Variants in CCM2 observed in about 807,000 individuals in gnomAD.
CCM2 encodes the protein cerebral cavernous malformations 2 protein.
Under a neutral mutation model 44.9 loss-of-function variants are expected in CCM2, and 25 were observed. The observed-to-expected ratio is 0.56, with a 90% CI of 0.41 to 0.78. The LOEUF (loss-of-function observed/expected upper bound fraction) is 0.78. CCM2 is among the 30% of genes least tolerant of loss of function. CCM2 has a pLI of 0.00. For synonymous variants in CCM2, 219 were observed against 241.1 expected, an observed-to-expected ratio of 0.91 and a Z score of 0.85; for missense variants, 481 against 580.6, an observed-to-expected ratio of 0.83 and a Z score of 1.76.
intron 1 of CCM2, among the ~76,000 whole-genome samples, chr7:45,006,848 C>CT (rs1795866718): frequency 6.6e-6 from 1 of 152,204 alleles, no homozygotes; most frequent in Non-Finnish European, 1.5e-5. Context: ...TGATCTTGGA[C>CT]TTTCAGCATC....
Position 45,076,411 on chromosome 7 carries a change from C to CA in CCM2, c.*355dup. On this transcript the variant is annotated 3_prime_UTR_variant, in exon 10 of 10. Transcript: ENST00000258781. The stretch of plus-strand genomic sequence containing the variant: ...CACATGATGTTCCTATTGTAACTCT[C>CA]AGAGACCTTAAAAAGAAGTTTACTG... The CA allele has an allele frequency of 2.3e-6, 1 of 428,818 alleles. No individual in the cohort carries two copies. The highest frequency in any genetic ancestry group is 5.4e-5 in the East Asian group (1 of 18,658). 26.6% of individuals were successfully genotyped at this position (428,818 alleles called of 1,614,324 possible).
At chr7:45,043,749 G>A (rs764784233) in intron 2 of CCM2, 11 of 385,468 alleles carry the variant, frequency 2.9e-5, no homozygotes, top group Non-Finnish European at 5.0e-5. Context: ...TATTTTTCAT[G>A]CCCTTTCATT....
At chr7:45,016,020 C>T (rs1796249762) in intron 1 of CCM2, among the ~76,000 whole-genome samples, 1 of 152,210 alleles carries the variant, frequency 6.6e-6, no homozygotes, top group Admixed American at 6.5e-5. Flanking sequence ...GGAAAATTTC[C>T]ATCTGGAATA....
At position 45,000,265 on chromosome 7, in the gene CCM2, A is replaced by G. The variant is rs1274174790; in HGVS notation, c.-69A>G. The G allele has an allele frequency of 2.0e-6, 2 of 1,008,674 alleles. No homozygotes were observed. Among genetic ancestry groups the G allele is most frequent in the Admixed American group, 5.7e-5 (1 of 17,634 alleles). The allele number at this position is 1,008,674 out of a possible 1,614,324, so 62.5% of individuals were successfully genotyped here. A position where few individuals can be genotyped will look rare whatever the true frequency, so the allele number is the denominator to read the frequency against. On this transcript the variant is annotated 5_prime_UTR_variant, in exon 1 of 10. The change abolishes an upstream ATG in the 5' untranslated region. Coordinates refer to ENST00000258781, the MANE Select transcript of CCM2 (RefSeq NM_031443.4). ...CGGGGGCGGCGGGCCCGGGTCGAGC[A>G]TGTAGCGGCTGCTGGCGGCGGGGCT... is the stretch of plus-strand genomic sequence containing the variant.
rs755352606 is a variant in CCM2 at position 45,075,921 on chromosome 7, C to A, written c.1199C>A (p.Thr400Asn). ...CTGAGCACCACATCCAGTTCCACCA[C>A]CAATGGGAACAGGGCCACGGGCAGC... Reference protein sequence around the residue: ...RALSTTSSSTTNGNRATGSSD... With the variant: ...RALSTTSSSTNNGNRATGSSD... Residue 400 changes from threonine to asparagine, a missense_variant, in exon 10 of 10, where the codon ACC becomes AAC. Coordinates refer to ENST00000258781, the MANE Select transcript of CCM2 (RefSeq NM_031443.4). The A allele has an allele frequency of 1.9e-6, 3 of 1,613,150 alleles. No homozygotes were observed. The African/African-American group carries it at 4.0e-5, about 22-fold the overall frequency.
intron 1 of CCM2, among the ~76,000 whole-genome samples, chr7:45,032,307 G>A (rs137885115): frequency 7.0e-4 from 106 of 152,210 alleles, no homozygotes; most frequent in African/African-American, 2.2e-3. Flanking sequence ...TAAAATGTTC[G>A]TGATTTGGAG....
chr7:45,074,510 G>A (rs1476191643), intron 9 of CCM2, 102 bp downstream of exon 9: 1 of 905,512 alleles, frequency 1.1e-6, no homozygotes, highest in African/African-American at 1.6e-5. Flanking sequence ...GTGCAGCAGG[G>A]GCTCCATCAG....
chr7:45,061,267 C>T (rs1798505269), intron 2 of CCM2, among the ~76,000 whole-genome samples: 1 of 151,988 alleles, frequency 6.6e-6, no homozygotes, highest in Non-Finnish European at 1.5e-5. Context: ...TGGGCCGTGG[C>T]CTTCACATGT....
intron 1 of CCM2, among the ~76,000 whole-genome samples, chr7:45,007,243 A>T (rs1583834094): frequency 1.3e-5 from 2 of 151,918 alleles, no homozygotes; most frequent in East Asian, 3.9e-4. Context: ...ACAGTCAGGG[A>T]TGTCATTCAT....
chr7:45,068,619 C>T, intron 5 of CCM2, 40 bp downstream of exon 5: 7 of 1,612,128 alleles, frequency 4.3e-6, no homozygotes, highest in Non-Finnish European at 5.9e-6. Context: ...ACTGGCTCCT[C>T]CCAGACCCTG....
At chr7:45,013,032 T>C (rs1796126594) in intron 1 of CCM2, among the ~76,000 whole-genome samples, 1 of 152,198 alleles carries the variant, frequency 6.6e-6, no homozygotes, top group African/African-American at 2.4e-5. Flanking sequence ...ATCATTTTGA[T>C]ATTTGTTTTC....
intron 1 of CCM2, among the ~76,000 whole-genome samples, chr7:45,030,434 AATT>A: frequency 6.6e-6 from 1 of 152,138 alleles, no homozygotes; most frequent in East Asian, 1.9e-4. Flanking sequence ...TAAACCATTT[AATT>A]ATTTCCCTCG....
chr7:45,002,902 CT>C (rs1225721483), intron 1 of CCM2, among the ~76,000 whole-genome samples: 1 of 152,142 alleles, frequency 6.6e-6, no homozygotes, highest in Non-Finnish European at 1.5e-5. Context: ...CAGAAAAGTC[CT>C]CTGGCCACTA....
At chr7:45,068,010 C>T (rs73694270) in intron 4 of CCM2, 31,558 of 258,308 alleles carry the variant, frequency 0.12, 3,796 homozygotes, top group African/African-American at 0.36. Flanking sequence ...GAAACAAGGG[C>T]ACTGGGGTCT....
chr7:45,038,543 T>C, intron 2 of CCM2, 117 bp downstream of exon 2: 2 of 1,023,848 alleles, frequency 2.0e-6, no homozygotes, highest in Non-Finnish European at 3.0e-6. Context: ...TAGTAGTTGA[T>C]TATCCCACCC....
At chr7:45,057,523 T>TG (rs1399506782) in intron 2 of CCM2, among the ~76,000 whole-genome samples, 2 of 152,162 alleles carry the variant, frequency 1.3e-5, no homozygotes, top group East Asian at 1.9e-4. Flanking sequence ...TTTCCATGAC[T>TG]GTGGTGGTGT....
intron 1 of CCM2, among the ~76,000 whole-genome samples, chr7:45,000,939 G>T (rs1159394058): frequency 6.6e-6 from 1 of 152,290 alleles, no homozygotes; most frequent in East Asian, 1.9e-4. Context: ...TACAGTAAAG[G>T]GTTATAGTAG....
chr7:45,051,320 T>C (rs184178433), intron 2 of CCM2, among the ~76,000 whole-genome samples: 6 of 152,326 alleles, frequency 3.9e-5, no homozygotes, highest in Admixed American at 2.6e-4. Flanking sequence ...GGGGGCATCC[T>C]TTCAGGGTGT....
intron 7 of CCM2, chr7:45,073,064 C>A: frequency 1.7e-6 from 1 of 595,338 alleles, no homozygotes; most frequent in Non-Finnish European, 3.0e-6. Flanking sequence ...GAGCTGTTCC[C>A]CTGCCCGAGC....
Sources: allele counts gnomAD v4.1 joint callset (sites outside exome capture counted in the v4.1 genomes callset), GRCh38; gene constraint gnomAD v4.1.1; transcripts MANE v1.5; gene names NCBI Gene and HGNC (gene_info 2026-07-23, HGNC 2026-07-21).